CLYBL: variants seen among roughly 807,000 people sequenced by gnomAD.
CLYBL encodes the protein citramalyl-CoA lyase, mitochondrial.
Under a neutral mutation model 38.9 loss-of-function variants are expected in CLYBL, and 31 were observed. The ratio of observed to expected loss-of-function variants is 0.80; its 90% confidence interval spans 0.60 to 1.08. CLYBL has a LOEUF of 1.08. CLYBL is among the 50% of genes least tolerant of loss of function. The pLI is 0.00. For synonymous variants in CLYBL, 171 were observed against 158.6 expected (o/e 1.08, Z -0.59); for missense variants, 434 against 411.6 (o/e 1.05, Z -0.47).
At chr13:99,776,261 G>A (rs562170346) in intron 2 of CLYBL, among the ~76,000 whole-genome samples, 4 of 151,556 alleles carry the variant, frequency 2.6e-5, no homozygotes, top group South Asian at 2.1e-4. Context: ...CTGGGAGGCC[G>A]AGGCAGGCGG....
Position 99,869,483 on chromosome 13 carries a change from A to G in CLYBL, c.803-1455A>G, listed in dbSNP as rs1455926734. On this transcript the variant is annotated intron_variant, in intron 6 of 8. Coordinates refer to ENST00000339105, the MANE Select transcript of CLYBL (RefSeq NM_206808.5). The surrounding 1 kb of genome is among the most constrained non-coding windows in gnomAD (Gnocchi z 4.3). ...AAGCCCTCTTGTCATCCCTCATGTTATTCGTTCCCAGAAATTATTCCTCAG... is the reference window on the plus strand; with the variant it reads ...AAGCCCTCTTGTCATCCCTCATGTTGTTCGTTCCCAGAAATTATTCCTCAG... 6.6e-6 allele frequency among the ~76,000 whole-genome samples: 1 copy of G among 152,154 alleles called. No individual in the cohort carries two copies. The highest frequency in any genetic ancestry group is 1.5e-5 in the Non-Finnish European group (1 of 67,992).
intron 1 of CLYBL, among the ~76,000 whole-genome samples, chr13:99,757,861 C>G (rs2049094901): frequency 6.6e-6 from 1 of 152,200 alleles, no homozygotes; most frequent in Non-Finnish European, 1.5e-5. Flanking sequence ...TTTGAAAATT[C>G]CCCAGGGGAC....
chr13:99,777,330 C>T (rs2049539846), intron 2 of CLYBL, among the ~76,000 whole-genome samples: 1 of 152,008 alleles, frequency 6.6e-6, no homozygotes. Context: ...CCAAAAATAC[C>T]TTCTCCCTCA....
intron 1 of CLYBL, among the ~76,000 whole-genome samples, chr13:99,679,987 G>A (rs534775920): frequency 2.7e-4 from 41 of 152,174 alleles, no homozygotes; most frequent in Non-Finnish European, 4.3e-4. Flanking sequence ...CCTTCTTGGG[G>A]CAATAGTTAA....
chr13:99,765,503 T>C (rs1303390826), intron 1 of CLYBL, among the ~76,000 whole-genome samples: 2 of 152,170 alleles, frequency 1.3e-5, no homozygotes, highest in Non-Finnish European at 2.9e-5. Context: ...GAATAAGCTT[T>C]CTACCCCTTG....
intron 1 of CLYBL, among the ~76,000 whole-genome samples, chr13:99,620,792 A>AAAAGAGAGAGAGAG (rs1395799245): frequency 1.3e-5 from 2 of 150,398 alleles, no homozygotes; most frequent in Non-Finnish European, 3.0e-5. Context: ...GAAAGAAAGA[A>AAAAGAGAGAGAGAG]AAAGAGAGAG....
At chr13:99,693,946 T>C (rs1263168142) in intron 1 of CLYBL, among the ~76,000 whole-genome samples, 2 of 152,130 alleles carry the variant, frequency 1.3e-5, no homozygotes, top group Non-Finnish European at 2.9e-5. Context: ...GTTACAGTAC[T>C]GAGGAGGGGA....
chr13:99,797,395 T>G (rs1041611577), intron 2 of CLYBL, among the ~76,000 whole-genome samples: 2 of 152,216 alleles, frequency 1.3e-5, no homozygotes, highest in Non-Finnish European at 2.9e-5. Context: ...TGTATAAGCA[T>G]TCCATGTTAA....
intron 1 of CLYBL, among the ~76,000 whole-genome samples, chr13:99,657,444 ATAGT>A (rs1393175258): frequency 6.6e-6 from 1 of 152,184 alleles, no homozygotes; most frequent in Non-Finnish European, 1.5e-5. Flanking sequence ...TTGTCTTTTG[ATAGT>A]TCTTTCAAAA....
intron 1 of CLYBL, among the ~76,000 whole-genome samples, chr13:99,719,434 G>T (rs2048363430): frequency 6.6e-6 from 1 of 151,976 alleles, no homozygotes; most frequent in Admixed American, 6.6e-5. Context: ...TTAGGCGTGA[G>T]CCACCATGTC....
At chr13:99,909,229 T>C (rs1003509405) in exon 10 of CLYBL, among the ~76,000 whole-genome samples, 2 of 152,208 alleles carry the variant, frequency 1.3e-5, no homozygotes, top group Non-Finnish European at 2.9e-5. Context: ...ACTCTGTTAT[T>C]AGACTGCTCG....
At chr13:99,868,909 C>T (rs1399515759) in intron 6 of CLYBL, among the ~76,000 whole-genome samples, 1 of 152,086 alleles carries the variant, frequency 6.6e-6, no homozygotes, top group Non-Finnish European at 1.5e-5. Flanking sequence ...ATACAGTTAC[C>T]TAAAAGACTT....
chr13:99,907,919 C>A (rs1442286064), intron 9 of CLYBL, among the ~76,000 whole-genome samples: 1 of 152,182 alleles, frequency 6.6e-6, no homozygotes, highest in Non-Finnish European at 1.5e-5. Flanking sequence ...TGGGCATGGG[C>A]TTGCGAGGGA....
chr13:99,885,413 G>C (rs1015023131), intron 7 of CLYBL, among the ~76,000 whole-genome samples: 1 of 152,130 alleles, frequency 6.6e-6, no homozygotes, highest in African/African-American at 2.4e-5. Context: ...CAGGAGATGA[G>C]GCTGAGGGGG....
chr13:99,895,705 A>T (rs1271320403), downstream of CLYBL: 1 of 152,076 alleles, frequency 6.6e-6, no homozygotes, highest in Non-Finnish European at 1.5e-5. Context: ...TTGGCAGCAT[A>T]TCGCCTTCCG....
chr13:99,698,426 C>T (rs2048012060), intron 1 of CLYBL, among the ~76,000 whole-genome samples: 2 of 152,028 alleles, frequency 1.3e-5, no homozygotes, highest in Non-Finnish European at 1.5e-5. Flanking sequence ...ATTTCTGGGT[C>T]CCCATCAGAA....
At chr13:99,701,184 C>T (rs1223624855) in intron 1 of CLYBL, among the ~76,000 whole-genome samples, 1 of 152,084 alleles carries the variant, frequency 6.6e-6, no homozygotes, top group African/African-American at 2.4e-5. Context: ...GTAAATATCC[C>T]ACAACAAAAA....
intron 2 of CLYBL, among the ~76,000 whole-genome samples, chr13:99,844,878 A>AC (rs1370254473): frequency 2.9e-4 from 44 of 152,230 alleles, no homozygotes; most frequent in Non-Finnish European, 2.2e-4. Context: ...CAAGCCATTG[A>AC]CTAGGTATCA....
chr13:99,891,088 T>C (rs1435876023), intron 7 of CLYBL, among the ~76,000 whole-genome samples: 1 of 152,152 alleles, frequency 6.6e-6, no homozygotes, highest in African/African-American at 2.4e-5. Context: ...TTGTGTCCAA[T>C]GTGTTTCTCC....
Sources: gnomAD v4.1 joint callset for allele counts (sites outside exome capture counted in the v4.1 genomes callset) on GRCh38, gnomAD v4.1.1 for gene constraint, Gnocchi (gnomAD v3.1) non-coding constraint, MANE v1.5 for transcripts, NCBI Gene and HGNC (gene_info 2026-07-23, HGNC 2026-07-21) for gene names.